SUCLG1: variants seen among roughly 807,000 people sequenced by gnomAD.
The protein encoded by SUCLG1 is succinate--CoA ligase [ADP/GDP-forming] subunit alpha, mitochondrial.
SUCLG1 carries 26 observed loss-of-function variants against 37.3 expected under a neutral mutation model. That is an observed-to-expected ratio of 0.70 (90% CI 0.51 to 0.97). The LOEUF (loss-of-function observed/expected upper bound fraction) is 0.97, where lower values mean the gene tolerates loss of function less well. Among genes scored for constraint, SUCLG1 ranks in the 50% least tolerant of loss-of-function variants. The pLI is 0.00. For missense variants in SUCLG1, 433 were observed against 432.9 expected (o/e 1.00, Z 0.00); for synonymous variants, 163 against 155.6 (o/e 1.05, Z -0.36).
At chr2:84,456,218 C>T (rs1487165481) in intron 1 of SUCLG1, among the ~76,000 whole-genome samples, 1 of 152,110 alleles carries the variant, frequency 6.6e-6, no homozygotes, top group Non-Finnish European at 1.5e-5. Context: ...ACCTTCTCAA[C>T]ACATCACTAA....
intron 7 of SUCLG1, among the ~76,000 whole-genome samples, chr2:84,427,989 C>T (rs1226754975): frequency 6.6e-6 from 1 of 152,158 alleles, no homozygotes; most frequent in Non-Finnish European, 1.5e-5. Flanking sequence ...GACTGACTGC[C>T]CTGATTCCCA....
chr2:84,445,984 C>T (rs72937139), intron 2 of SUCLG1, among the ~76,000 whole-genome samples: 8,144 of 152,364 alleles, frequency 0.053, 480 homozygotes, highest in African/African-American at 0.14. Flanking sequence ...ACTCCAGCCA[C>T]GCTGGCCTTG....
At chr2:84,440,309 G>C (rs1055244116) in intron 5 of SUCLG1, among the ~76,000 whole-genome samples, 2 of 152,184 alleles carry the variant, frequency 1.3e-5, no homozygotes, top group African/African-American at 4.8e-5. Flanking sequence ...GGAGGCGGAG[G>C]TGGGGGTAAG....
In SUCLG1 at chr2:84,437,028, C is replaced by G. The variant is rs1353271521; in HGVS notation, c.590-3593G>C. Among the ~76,000 whole-genome samples, 3 of 152,306 alleles carry G rather than the reference C, an allele frequency of 2.0e-5. No homozygotes were observed. The Middle Eastern group carries it at 0.01, about 518-fold the overall frequency. ...AACCCTAATGCATAACAAATGACAACCACCACAACTTCCACCCCACGTATG... is the reference window on the plus strand; with the variant it reads ...AACCCTAATGCATAACAAATGACAAGCACCACAACTTCCACCCCACGTATG... On this transcript the variant is annotated intron_variant, in intron 5 of 8. Transcript: ENST00000393868.
At position 84,443,177 on chromosome 2, in the gene SUCLG1, A is replaced by G. The variant is rs60175463; in HGVS notation, c.318+107T>C. 2,918 of 1,009,010 alleles carry G rather than the reference A, an allele frequency of 2.9e-3. 47 individuals are homozygous for G. The African/African-American group carries it at 0.04, about 14-fold the overall frequency. 62.5% of individuals were successfully genotyped at this position (1,009,010 alleles called of 1,614,324 possible). ...ATTTCTCTAGGTTACTGAATTTTCA[A>G]ATAGCAAGTGACTCTACCAAAAAAA... On this transcript the variant is annotated intron_variant, in intron 3 of 8. Coordinates refer to ENST00000393868, the MANE Select transcript of SUCLG1 (RefSeq NM_003849.4).
intron 2 of SUCLG1, among the ~76,000 whole-genome samples, chr2:84,447,108 T>C (rs186943391): frequency 2.6e-5 from 4 of 152,234 alleles, no homozygotes; most frequent in Admixed American, 6.5e-5. Flanking sequence ...GAAAACTGCA[T>C]TGCTGAAACA....
intron 2 of SUCLG1, among the ~76,000 whole-genome samples, chr2:84,447,228 T>G (rs567486401): frequency 6.6e-6 from 1 of 152,188 alleles, no homozygotes; most frequent in Non-Finnish European, 1.5e-5. Flanking sequence ...GTTCTAAACT[T>G]CAGACCTCAC....
chr2:84,443,256 C>A (rs749507598), intron 3 of SUCLG1, 28 bp downstream of exon 3: 18 of 1,594,206 alleles, frequency 1.1e-5, no homozygotes, highest in Non-Finnish European at 1.5e-5. Flanking sequence ...CTTTTCTTGT[C>A]TTGCCAAACT....
chr2:84,451,524 C>T (rs1426257983), intron 1 of SUCLG1, among the ~76,000 whole-genome samples: 1 of 152,200 alleles, frequency 6.6e-6, no homozygotes, highest in Non-Finnish European at 1.5e-5. Context: ...CTGTCTGTGT[C>T]CCTAAAGCAC....
chr2:84,434,924 T>C (rs1208099803), intron 5 of SUCLG1, among the ~76,000 whole-genome samples: 2 of 152,202 alleles, frequency 1.3e-5, no homozygotes, highest in Admixed American at 1.3e-4. Flanking sequence ...ATTCAAAGAA[T>C]GGTGTGTACG....
At chr2:84,454,432 A>T (rs192263506) in intron 1 of SUCLG1, among the ~76,000 whole-genome samples, 11 of 152,350 alleles carry the variant, frequency 7.2e-5, no homozygotes, top group Admixed American at 1.3e-4. Context: ...CAGATACAGC[A>T]AGTGTTATAT....
chr2:84,434,092 C>G (rs752209827), intron 5 of SUCLG1, among the ~76,000 whole-genome samples: 2 of 152,120 alleles, frequency 1.3e-5, no homozygotes, highest in South Asian at 4.1e-4. Flanking sequence ...TGAGGCCTCA[C>G]CAGAAGCTGA....
At position 84,455,287 on chromosome 2, in the gene SUCLG1, G is replaced by A. The variant is rs374124026; in HGVS notation, c.97+3886C>T. 1.1e-4 allele frequency among the ~76,000 whole-genome samples: 17 copies of A among 152,168 alleles called. 1 individual carries two copies. Among genetic ancestry groups the A allele is most frequent in the Admixed American group, 8.5e-4 (13 of 15,282 alleles). ...AGGCGGGCGGATCACCTGAGGTCAG[G>A]AGTTTGAGACCAGCCTGACCAACAT... On this transcript the variant is annotated intron_variant, in intron 1 of 8. Coordinates refer to ENST00000393868, the MANE Select transcript of SUCLG1 (RefSeq NM_003849.4).
intron 1 of SUCLG1, among the ~76,000 whole-genome samples, chr2:84,451,325 T>C (rs1044268985): frequency 9.9e-5 from 15 of 152,200 alleles, no homozygotes; most frequent in South Asian, 4.1e-4. Context: ...GACCAGAAGG[T>C]AGAAGATTTG....
intron 1 of SUCLG1, 31 bp from the exon 2 acceptor site, chr2:84,449,783 A>AG: frequency 7.9e-7 from 1 of 1,269,946 alleles, no homozygotes; most frequent in Non-Finnish European, 1.1e-6. Context: ...AAAAAAAAAA[A>AG]AAAAGACACA....
intron 7 of SUCLG1, among the ~76,000 whole-genome samples, chr2:84,428,369 T>C (rs1376961987): frequency 6.6e-6 from 1 of 152,184 alleles, no homozygotes; most frequent in Non-Finnish European, 1.5e-5. Context: ...ATGAATTCCC[T>C]GAACACAGAG....
At chr2:84,423,907 A>C (rs1203237651) in intron 8 of SUCLG1, 135 bp from the exon 9 acceptor site, 1 of 913,864 alleles carries the variant, frequency 1.1e-6, no homozygotes, top group Non-Finnish European at 1.7e-6. Flanking sequence ...CAGAAGAAAA[A>C]TGTACCAGGA....
intron 5 of SUCLG1, 148 bp from the exon 6 acceptor site, chr2:84,433,583 C>T (rs1038180510): frequency 5.9e-5 from 41 of 698,652 alleles, no homozygotes; most frequent in East Asian, 1.4e-4. Flanking sequence ...TATCTTCAAA[C>T]GATGAAATGA....
rs1254512743 is a variant in SUCLG1 at position 84,423,782 on chromosome 2, CAGAAGAGAGAGAG to C, written c.1015-23_1015-11del. 13 of 1,604,862 alleles carry C rather than the reference CAGAAGAGAGAGAG, an allele frequency of 8.1e-6. No individual in the cohort carries two copies. Among genetic ancestry groups the C allele is most frequent in the Non-Finnish European group, 1.0e-5 (12 of 1,175,386 alleles). On this transcript the variant is annotated splice_polypyrimidine_tract_variant and intron_variant, in intron 8 of 8. Transcript: ENST00000393868. Reference sequence around the variant, plus strand: ...TCCTCTTTTCAAATTCCTTCAGAAACAGAAGAGAGAGAGAAGAGAGATGGAATGAATAAAGATA... The same window carrying C: ...TCCTCTTTTCAAATTCCTTCAGAAACAAGAGAGATGGAATGAATAAAGATA...
Sources: allele counts gnomAD v4.1 joint callset (sites outside exome capture counted in the v4.1 genomes callset), GRCh38; gene constraint gnomAD v4.1.1; transcripts MANE v1.5; gene names NCBI Gene and HGNC (gene_info 2026-07-23, HGNC 2026-07-21).